Variants in ARHGAP12 observed in about 807,000 individuals in gnomAD.
ARHGAP12 encodes rho GTPase-activating protein 12.
ARHGAP12 carries 64 observed loss-of-function variants against 108.6 expected under a neutral mutation model. That is an observed-to-expected ratio of 0.59 (90% CI 0.48 to 0.73). The LOEUF is 0.73. ARHGAP12 is among the 30% of genes least tolerant of loss of function. ARHGAP12 has a pLI of 0.00. For synonymous variants in ARHGAP12, 312 were observed against 337.2 expected (o/e 0.93, Z 0.82); for missense variants, 940 against 1,005.9 (o/e 0.93, Z 0.89).
In ARHGAP12 at chr10:31,805,838, C is replaced by T. The variant is rs1834807423; in HGVS notation, c.*1820G>A. 1 of 152,124 alleles carries T rather than the reference C, an allele frequency of 6.6e-6. No individual in the cohort carries two copies. Among genetic ancestry groups the T allele is most frequent in the Admixed American group, 6.6e-5 (1 of 15,266 alleles). The allele number at this position is 152,124 out of a possible 1,614,324, so 9.4% of individuals were successfully genotyped here. A position where few individuals can be genotyped will look rare whatever the true frequency, so the allele number is the denominator to read the frequency against. On this transcript the variant is annotated 3_prime_UTR_variant, in exon 20 of 20. Coordinates refer to ENST00000344936, the MANE Select transcript of ARHGAP12 (RefSeq NM_018287.7). ...CTAAAGCATATTGTATTATTAAGGACATCTTTAGGCAAATATAAACATTCT... is the reference window on the plus strand; with the variant it reads ...CTAAAGCATATTGTATTATTAAGGATATCTTTAGGCAAATATAAACATTCT...
chr10:31,811,938 A>T (rs889109619), intron 15 of ARHGAP12, among the ~76,000 whole-genome samples: 1 of 152,164 alleles, frequency 6.6e-6, no homozygotes, highest in Admixed American at 6.6e-5. Context: ...TACAGATGTG[A>T]GCCACTGCAC....
chr10:31,887,595 G>A (rs1838234516), intron 3 of ARHGAP12, among the ~76,000 whole-genome samples: 1 of 151,762 alleles, frequency 6.6e-6, no homozygotes, highest in African/African-American at 2.4e-5. Context: ...ACAGTCTGGA[G>A]AGACAAAGAC....
chr10:31,894,219 T>G (rs1838579114), intron 3 of ARHGAP12, among the ~76,000 whole-genome samples: 1 of 152,198 alleles, frequency 6.6e-6, no homozygotes, highest in Non-Finnish European at 1.5e-5. Context: ...ATCACTCCTA[T>G]TCAACATAGT....
chr10:31,813,512 A>C lies in ARHGAP12; in HGVS notation c.1835-689T>G, dbSNP rs766711284. Among the ~76,000 whole-genome samples the C allele has an allele frequency of 1.2e-3, 176 of 152,160 alleles. 2 individuals are homozygous for C. The highest frequency in any genetic ancestry group is 4.6e-4 in the Admixed American group (7 of 15,284). On this transcript the variant is annotated intron_variant, in intron 14 of 19. Coordinates refer to ENST00000344936, the MANE Select transcript of ARHGAP12 (RefSeq NM_018287.7). ...AATCTATAATATAGAATAAAAAATA[A>C]TCACTTTTTATGTTAAATTGCTACC...
chr10:31,875,004 T>TAAAAAA (rs1184804393), intron 3 of ARHGAP12, among the ~76,000 whole-genome samples: 6 of 113,826 alleles, frequency 5.3e-5, no homozygotes, highest in Non-Finnish European at 9.8e-5. Context: ...AAAAAAAAAT[T>TAAAAAA]TTCACACACA....
At chr10:31,811,670 A>T (rs1305725689) in intron 15 of ARHGAP12, among the ~76,000 whole-genome samples, 7 of 149,422 alleles carry the variant, frequency 4.7e-5, no homozygotes, top group Non-Finnish European at 1.0e-4. Context: ...TACCTTTTTT[A>T]TTTTATTTTA....
intron 5 of ARHGAP12, among the ~76,000 whole-genome samples, chr10:31,853,436 A>G (rs1438648684): frequency 2.0e-5 from 3 of 152,190 alleles, no homozygotes; most frequent in Non-Finnish European, 4.4e-5. Flanking sequence ...TGCTAATACA[A>G]ACACATGATC....
chr10:31,913,585 T>C (rs567846663), intron 1 of ARHGAP12: 1 of 131,518 alleles, frequency 7.6e-6, no homozygotes, highest in Non-Finnish European at 1.5e-5. Context: ...GAAGGAAAAA[T>C]ACAAAAAGGA....
intron 1 of ARHGAP12, among the ~76,000 whole-genome samples, chr10:31,924,448 C>G (rs566997592): frequency 6.6e-6 from 1 of 152,264 alleles, no homozygotes; most frequent in South Asian, 2.1e-4. Flanking sequence ...ACTGCTTACT[C>G]AAGGAAGCAA....
chr10:31,896,135 C>T (rs768705060), intron 3 of ARHGAP12, among the ~76,000 whole-genome samples: 29 of 151,688 alleles, frequency 1.9e-4, no homozygotes, highest in Non-Finnish European at 2.4e-4. Context: ...ATATACCTAA[C>T]GTAAATGACG....
chr10:31,839,773 C>T, intron 7 of ARHGAP12, 62 bp from the exon 8 acceptor site: 1 of 1,361,886 alleles, frequency 7.3e-7, no homozygotes. Context: ...TCTGCCTCTA[C>T]TCACAGTGGG....
At position 31,811,685 on chromosome 10, in the gene ARHGAP12, T is replaced by A. The variant is rs72786790; in HGVS notation, c.1952-938A>T. Among the ~76,000 whole-genome samples the A allele has an allele frequency of 7.3e-3, 365 of 49,892 alleles. 3 individuals carry two copies. Among genetic ancestry groups the A allele is most frequent in the African/African-American group, 0.04 (348 of 8,654 alleles). 32.7% of individuals were successfully genotyped at this position (49,892 alleles called of 152,430 possible). On this transcript the variant is annotated intron_variant, in intron 15 of 19. Coordinates refer to ENST00000344936, the MANE Select transcript of ARHGAP12 (RefSeq NM_018287.7). ...TACCTTTTTTATTTTATTTTATTTT[T>A]TTTAAGACAGTCTTTCTCTGTCACC... is the stretch of plus-strand genomic sequence containing the variant.
chr10:31,867,989 CAGG>C (rs1837394010), intron 3 of ARHGAP12, among the ~76,000 whole-genome samples: 1 of 152,092 alleles, frequency 6.6e-6, no homozygotes, highest in Non-Finnish European at 1.5e-5. Flanking sequence ...CATCTGAGGT[CAGG>C]AGTTCAAGAC....
chr10:31,908,383 T>C lies in ARHGAP12; in HGVS notation c.473A>G (p.Lys158Arg), dbSNP rs1839221795. The change falls in exon 3 of 20, where the codon AAG becomes AGG. Residue 158 changes from lysine to arginine, a missense_variant. Coordinates refer to ENST00000344936, the MANE Select transcript of ARHGAP12 (RefSeq NM_018287.7). ...LSLDLTHNNG[K>R]FNNDSHSPKV... is the part of the protein sequence containing the mutation. ...AGGAGAATGTGAGTCATTGTTAAAC[T>C]TTCCGTTATTATGGGTCAGGTCCAG... The C allele has an allele frequency of 6.2e-7, 1 of 1,614,094 alleles. No individual in the cohort carries two copies. The highest frequency in any genetic ancestry group is 1.1e-5 in the South Asian group (1 of 91,090).
chr10:31,892,510 A>T (rs2808070), intron 3 of ARHGAP12, among the ~76,000 whole-genome samples: 2 of 151,954 alleles, frequency 1.3e-5, no homozygotes, highest in African/African-American at 2.4e-5. Context: ...CAAAGAAGGC[A>T]ATTACATAAT....
chr10:31,823,522 T>C (rs1005075570), intron 11 of ARHGAP12, among the ~76,000 whole-genome samples: 3 of 151,724 alleles, frequency 2.0e-5, no homozygotes, highest in Admixed American at 6.6e-5. Flanking sequence ...TTTTTAAAAA[T>C]AGAACTTTGA....
At position 31,839,651 on chromosome 10, in the gene ARHGAP12, T is replaced by C; in HGVS notation, c.1357A>G (p.Lys453Glu). 1 of 1,607,092 alleles carries C rather than the reference T, an allele frequency of 6.2e-7. No homozygotes were observed. Among genetic ancestry groups the C allele is most frequent in the Non-Finnish European group, 8.5e-7 (1 of 1,175,238 alleles). ...PENESSPSSPKHQDTASSPKD... is the reference protein window; with the variant it reads ...PENESSPSSPEHQDTASSPKD... ...ATCATACTAACTGTATCTTGGTGCTTTGGTGAGGAGGGAGAAGACTCATTT... is the reference window on the plus strand; with the variant it reads ...ATCATACTAACTGTATCTTGGTGCTCTGGTGAGGAGGGAGAAGACTCATTT... Residue 453 changes from lysine to glutamate, a missense_variant, in exon 8 of 20, where the codon AAG becomes GAG. Physicochemically the swap from Lys to Glu is moderately conservative, Grantham distance 56. Coordinates refer to ENST00000344936, the MANE Select transcript of ARHGAP12 (RefSeq NM_018287.7).
At chr10:31,853,192 T>C (rs1367984859) in intron 5 of ARHGAP12, among the ~76,000 whole-genome samples, 2 of 152,224 alleles carry the variant, frequency 1.3e-5, no homozygotes, top group African/African-American at 2.4e-5. Flanking sequence ...TAACATACGA[T>C]GTACATATGC....
chr10:31,891,353 T>C (rs1418961172), intron 3 of ARHGAP12, among the ~76,000 whole-genome samples: 1 of 152,232 alleles, frequency 6.6e-6, no homozygotes, highest in Admixed American at 6.5e-5. Flanking sequence ...TTAGTTAGGC[T>C]GGATATTAAA....
Sources: gnomAD v4.1 joint callset for allele counts (sites outside exome capture counted in the v4.1 genomes callset) on GRCh38, gnomAD v4.1.1 for gene constraint, MANE v1.5 for transcripts, NCBI Gene and HGNC (gene_info 2026-07-23, HGNC 2026-07-21) for gene names.